The following ZFHX4 variants were observed in gnomAD, a reference collection of about 807,000 sequenced individuals.
ZFHX4 encodes zinc finger homeobox 4, also known as zinc finger homeobox protein 4.
In ZFHX4, 56 loss-of-function variants were observed where a neutral mutation model predicts 267.6. The ratio of observed to expected loss-of-function variants is 0.21; its 90% CI spans 0.17 to 0.26. The LOEUF (loss-of-function observed/expected upper bound fraction) is 0.26. Ranked by LOEUF, ZFHX4 falls within the 10% of genes least tolerant of loss-of-function variation. The pLI, the probability that ZFHX4 is intolerant of heterozygous loss-of-function variation, is 1.00. For missense variants in ZFHX4, 4,332 were observed against 4,420.0 expected, an observed-to-expected ratio of 0.98 and a Z score of 0.56; for synonymous variants, 1,778 against 1,665.6, an observed-to-expected ratio of 1.07 and a Z score of -1.64.
At chr8:76,749,905 T>C (rs551258496) in intron 3 of ZFHX4, among the ~76,000 whole-genome samples, 5 of 152,282 alleles carry the variant, frequency 3.3e-5, no homozygotes, top group African/African-American at 1.2e-4. Flanking sequence ...TATAAAATTA[T>C]ATATTCTTCC....
chr8:76,720,516 T>C (rs1211816868), intron 3 of ZFHX4, among the ~76,000 whole-genome samples: 1 of 152,184 alleles, frequency 6.6e-6, no homozygotes, highest in Admixed American at 6.5e-5. Context: ...CTCTTTTCTC[T>C]TAGGGTATAT....
chr8:76,834,612 G>T (rs1360916719), intron 5 of ZFHX4, among the ~76,000 whole-genome samples: 1 of 152,080 alleles, frequency 6.6e-6, no homozygotes, highest in Admixed American at 6.6e-5. Context: ...TTGCTTGTAA[G>T]AGTTGTAAGA....
Position 76,854,090 on chromosome 8 carries a change from C to G in ZFHX4, c.7169C>G (p.Pro2390Arg), listed in dbSNP as rs770312771. 10 of 1,613,784 alleles carry G rather than the reference C, an allele frequency of 6.2e-6. No homozygotes were observed. In the South Asian group the frequency reaches 9.9e-5, roughly 16 times the overall value. Reference sequence around the variant, plus strand: ...AGTTCTGGCTCTGGGACCAGCACCCCCCTGATTCCATCACCCAAACCAGAA... The same window carrying G: ...AGTTCTGGCTCTGGGACCAGCACCCGCCTGATTCCATCACCCAAACCAGAA... ...AASSGSGTST[P>R]LIPSPKPEPE... The change falls in exon 10 of 11, where the codon CCC (proline) becomes CGC (arginine). Residue 2390 changes from proline to arginine, a missense_variant. Transcript: ENST00000651372.
At chr8:76,747,102 A>G (rs2131697540) in intron 3 of ZFHX4, among the ~76,000 whole-genome samples, 1 of 152,336 alleles carries the variant, frequency 6.6e-6, no homozygotes, top group African/African-American at 2.4e-5. Context: ...TTTTCAAGGA[A>G]AAAAATGACT....
At chr8:76,842,811 C>A (rs1161742670) in intron 6 of ZFHX4, 40 bp downstream of exon 6, 3 of 1,411,160 alleles carry the variant, frequency 2.1e-6, no homozygotes, top group South Asian at 1.3e-5. Flanking sequence ...TTTCCCTATA[C>A]CCATTCCCTG....
chr8:76,852,810 T>A lies in ZFHX4; in HGVS notation c.5889T>A (p.Ser1963Arg). 1 of 1,613,584 alleles carries A rather than the reference T, an allele frequency of 6.2e-7. No homozygotes were observed. Among genetic ancestry groups the A allele is most frequent in the South Asian group, 1.1e-5 (1 of 91,030 alleles). The part of the protein sequence containing the change: ...KLFSNVLILK[S>R]HQEHVHGQFF... Reference sequence around the variant, plus strand: ...TTTCCAATGTTCTTATTTTAAAGAGTCACCAAGAACATGTACATGGGCAAT... The same window carrying A: ...TTTCCAATGTTCTTATTTTAAAGAGACACCAAGAACATGTACATGGGCAAT... The change falls in exon 10 of 11, where the codon AGT (serine) becomes AGA (arginine). Residue 1963 changes from serine to arginine, a missense_variant. Coordinates refer to ENST00000651372, the MANE Select transcript of ZFHX4 (RefSeq NM_024721.5).
intron 7 of ZFHX4, 103 bp downstream of exon 7, chr8:76,849,231 C>T (rs1421312825): frequency 2.3e-6 from 3 of 1,316,534 alleles, no homozygotes; most frequent in East Asian, 5.1e-5. Flanking sequence ...TGTATGTAGA[C>T]ATTGCAATTG....
At chr8:76,763,454 CT>C (rs1809969365) in intron 3 of ZFHX4, among the ~76,000 whole-genome samples, 1 of 152,060 alleles carries the variant, frequency 6.6e-6, no homozygotes, top group South Asian at 2.1e-4. Context: ...AAAACCCTGT[CT>C]CTACAAAAAA....
rs1029920351 is a variant in ZFHX4 at position 76,866,699 on chromosome 8, G to A, written c.*2134G>A. The A allele has an allele frequency of 6.6e-6, 1 of 151,750 alleles. No individual in the cohort carries two copies. The highest frequency in any genetic ancestry group is 1.5e-5 in the Non-Finnish European group (1 of 67,938). 9.4% of individuals were successfully genotyped at this position (151,750 alleles called of 1,614,324 possible). A position where few individuals can be genotyped will look rare whatever the true frequency, so the allele number is the denominator to read the frequency against. ...CGATGTGCAACAGTGTGTTAGCATG[G>A]AACAGAACGCTTTTCACAAAACAAA... On this transcript the variant is annotated 3_prime_UTR_variant, in exon 11 of 11. Coordinates refer to ENST00000651372, the MANE Select transcript of ZFHX4 (RefSeq NM_024721.5).
intron 4 of ZFHX4, among the ~76,000 whole-genome samples, chr8:76,786,624 A>C (rs1419572556): frequency 2.0e-5 from 3 of 151,996 alleles, no homozygotes; most frequent in Non-Finnish European, 4.4e-5. Flanking sequence ...CTGATAACCA[A>C]CCCAAAAAAT....
chr8:76,696,827 A>G (rs907378817), intron 1 of ZFHX4, among the ~76,000 whole-genome samples: 6 of 151,958 alleles, frequency 3.9e-5, no homozygotes, highest in Non-Finnish European at 7.4e-5. Flanking sequence ...TATTTAAAAT[A>G]TTTACATGGA....
intron 6 of ZFHX4, among the ~76,000 whole-genome samples, chr8:76,846,903 G>A (rs1419969375): frequency 6.6e-6 from 1 of 152,142 alleles, no homozygotes; most frequent in Non-Finnish European, 1.5e-5. Context: ...GTGTGTGACA[G>A]TCCTTGATGG....
intron 3 of ZFHX4, among the ~76,000 whole-genome samples, chr8:76,746,986 A>G (rs1271152431): frequency 6.6e-6 from 1 of 152,208 alleles, no homozygotes; most frequent in Non-Finnish European, 1.5e-5. Context: ...TTAAGGAACA[A>G]AAACTTCATT....
rs544141038 is a variant in ZFHX4 at position 76,736,023 on chromosome 8, A to C, written c.3093+27975A>C. On this transcript the variant is annotated intron_variant, in intron 3 of 10. Coordinates refer to ENST00000651372, the MANE Select transcript of ZFHX4 (RefSeq NM_024721.5). ...TTATATATTTTAATCTCTGTAATTT[A>C]GTCTTAAGAAGATGGAAACTCATCT... 2.4e-4 allele frequency among the ~76,000 whole-genome samples: 37 copies of C among 152,216 alleles called. No homozygotes were observed. In the East Asian group the frequency reaches 7.2e-3, roughly 29 times the overall value.
chr8:76,767,956 C>G (rs1315571342), intron 3 of ZFHX4, among the ~76,000 whole-genome samples: 2 of 152,066 alleles, frequency 1.3e-5, no homozygotes, highest in African/African-American at 2.4e-5. Context: ...TGTTAATCAG[C>G]ATAAAGGGAT....
intron 4 of ZFHX4, among the ~76,000 whole-genome samples, chr8:76,787,491 A>G (rs1420524954): frequency 6.6e-6 from 1 of 151,982 alleles, no homozygotes. Context: ...TACTTGTTAG[A>G]AAACAAGATT....
intron 4 of ZFHX4, among the ~76,000 whole-genome samples, chr8:76,813,006 T>C (rs941744980): frequency 6.6e-6 from 1 of 152,174 alleles, no homozygotes; most frequent in African/African-American, 2.4e-5. Context: ...ATTGTGATAT[T>C]TAAAAGCCTC....
At chr8:76,712,011 C>A (rs571968493) in intron 3 of ZFHX4, among the ~76,000 whole-genome samples, 1 of 152,296 alleles carries the variant, frequency 6.6e-6, no homozygotes, top group Admixed American at 6.5e-5. Flanking sequence ...TGTTCAAAGT[C>A]AAAGCCTTAA....
At chr8:76,694,832 C>G (rs1256601049) in intron 1 of ZFHX4, among the ~76,000 whole-genome samples, 1 of 150,880 alleles carries the variant, frequency 6.6e-6, no homozygotes, top group Non-Finnish European at 1.5e-5. Context: ...CAACACATTA[C>G]ATGAACCCAG....
Sources: allele counts gnomAD v4.1 joint callset (sites outside exome capture counted in the v4.1 genomes callset), GRCh38; gene constraint gnomAD v4.1.1; transcripts MANE v1.5; gene names NCBI Gene and HGNC (gene_info 2026-07-23, HGNC 2026-07-21).